Variants in SLC25A26 observed in about 807,000 individuals in gnomAD.
SLC25A26 encodes mitochondrial S-adenosylmethionine carrier protein.
In SLC25A26, 36 loss-of-function variants were observed where a neutral mutation model predicts 37.8. The ratio of observed to expected loss-of-function variants is 0.95; its 90% CI spans 0.73 to 1.26. The LOEUF is 1.26. Among genes scored for constraint, SLC25A26 ranks in the 50% most tolerant of loss-of-function variants. SLC25A26 has a pLI of 0.00. For synonymous variants in SLC25A26, 129 were observed against 122.5 expected (o/e 1.05, Z -0.35); for missense variants, 390 against 331.1 (o/e 1.18, Z -1.38).
chr3:66,362,375 C>G (rs1181417920), intron 6 of SLC25A26, among the ~76,000 whole-genome samples: 1 of 152,152 alleles, frequency 6.6e-6, no homozygotes, highest in Non-Finnish European at 1.5e-5. Flanking sequence ...CTGTTGATAT[C>G]TGCATGACGT....
chr3:66,178,002 T>A (rs888236468), intron 1 of SLC25A26, among the ~76,000 whole-genome samples: 3 of 152,180 alleles, frequency 2.0e-5, no homozygotes, highest in African/African-American at 2.4e-5. Flanking sequence ...GATGGGTGAC[T>A]TCAAAGATGG....
intron 5 of SLC25A26, among the ~76,000 whole-genome samples, chr3:66,321,058 T>G (rs898791446): frequency 6.6e-6 from 1 of 152,064 alleles, no homozygotes; most frequent in African/African-American, 2.4e-5. Flanking sequence ...GGGATTAGCA[T>G]CTTTATAAAA....
At chr3:66,210,366 C>T (rs2071267956) in intron 1 of SLC25A26, among the ~76,000 whole-genome samples, 1 of 151,968 alleles carries the variant, frequency 6.6e-6, no homozygotes, top group Admixed American at 6.6e-5. Flanking sequence ...AGACAATCTC[C>T]CTTAGGAAGC....
At chr3:66,148,502 T>G (rs1249832635) in intron 1 of SLC25A26, among the ~76,000 whole-genome samples, 3 of 152,160 alleles carry the variant, frequency 2.0e-5, no homozygotes, top group Non-Finnish European at 4.4e-5. Flanking sequence ...TCCCTCCTAG[T>G]CTCAACCCAG....
At chr3:66,221,279 C>CCTCT in intron 1 of SLC25A26, 152 bp downstream of exon 1, 1 of 386,844 alleles carries the variant, frequency 2.6e-6, no homozygotes, top group Non-Finnish European at 3.5e-6. Flanking sequence ...CACGAGGCTC[C>CCTCT]CAGGCCACCG....
intron 5 of SLC25A26, among the ~76,000 whole-genome samples, chr3:66,294,313 G>C (rs1299276091): frequency 6.6e-6 from 1 of 151,958 alleles, no homozygotes; most frequent in Non-Finnish European, 1.5e-5. Context: ...ATTCCTGATA[G>C]GTCTCTTGGC....
At chr3:66,134,900 G>C (rs568567137) in intron 1 of SLC25A26, among the ~76,000 whole-genome samples, 8 of 151,488 alleles carry the variant, frequency 5.3e-5, no homozygotes, top group African/African-American at 9.7e-5. Flanking sequence ...GCGTGATCTC[G>C]ACTCACTGCA....
chr3:66,306,330 C>T (rs984871629), intron 5 of SLC25A26, among the ~76,000 whole-genome samples: 2 of 152,048 alleles, frequency 1.3e-5, no homozygotes, highest in African/African-American at 4.8e-5. Context: ...GAGACGGTAT[C>T]TCATTGTGGT....
intron 5 of SLC25A26, chr3:66,293,218 C>T (rs980833476): frequency 1.3e-5 from 2 of 152,066 alleles, no homozygotes; most frequent in Non-Finnish European, 1.5e-5. Context: ...CTGGAGCCAA[C>T]GCGGAAAGCG....
At chr3:66,352,723 A>G (rs2107766704) in intron 6 of SLC25A26, among the ~76,000 whole-genome samples, 1 of 152,026 alleles carries the variant, frequency 6.6e-6, no homozygotes, top group Non-Finnish European at 1.5e-5. Flanking sequence ...GAGGACTGAC[A>G]CAACTGACCC....
At chr3:66,245,049 G>GGTAAGT (rs1482727581) in intron 3 of SLC25A26, among the ~76,000 whole-genome samples, 3 of 152,012 alleles carry the variant, frequency 2.0e-5, no homozygotes, top group African/African-American at 7.2e-5. Context: ...TACTGTAAGT[G>GGTAAGT]GTAAGTGTAA....
intron 3 of SLC25A26, among the ~76,000 whole-genome samples, chr3:66,248,899 T>C (rs557207167): frequency 5.9e-5 from 9 of 152,354 alleles, no homozygotes; most frequent in Non-Finnish European, 1.2e-4. Context: ...AGGGTTCCTG[T>C]ATTTTAAACA....
intron 5 of SLC25A26, among the ~76,000 whole-genome samples, chr3:66,344,352 A>C (rs1018834225): frequency 6.6e-6 from 1 of 151,908 alleles, no homozygotes; most frequent in African/African-American, 2.4e-5. Flanking sequence ...AATCCCAACT[A>C]CTCGGGAGGC....
intron 1 of SLC25A26, among the ~76,000 whole-genome samples, chr3:66,144,483 A>G (rs2070085401): frequency 6.6e-6 from 1 of 152,182 alleles, no homozygotes; most frequent in Non-Finnish European, 1.5e-5. Flanking sequence ...CCCACTGGGT[A>G]CAATTTATTT....
intron 5 of SLC25A26, among the ~76,000 whole-genome samples, chr3:66,270,888 A>G (rs1215718002): frequency 1.3e-5 from 2 of 152,058 alleles, no homozygotes; most frequent in South Asian, 2.1e-4. Context: ...ACCAGCTGCT[A>G]TTTACTTTTT....
At chr3:66,233,205 A>C (rs2072115727) in intron 1 of SLC25A26, among the ~76,000 whole-genome samples, 1 of 152,240 alleles carries the variant, frequency 6.6e-6, no homozygotes, top group African/African-American at 2.4e-5. Context: ...ATAGCATGTA[A>C]TTCTGACCTA....
intron 5 of SLC25A26, among the ~76,000 whole-genome samples, chr3:66,285,261 A>G (rs2074471770): frequency 6.6e-6 from 1 of 152,060 alleles, no homozygotes; most frequent in Admixed American, 6.5e-5. Flanking sequence ...CTTGTTAAAC[A>G]TTATTATTAT....
intron 1 of SLC25A26, among the ~76,000 whole-genome samples, chr3:66,147,675 C>G (rs1226793496): frequency 1.3e-5 from 2 of 152,184 alleles, no homozygotes; most frequent in East Asian, 3.9e-4. Context: ...CTGTTTTTCA[C>G]AGAGGTTGTA....
At chr3:66,295,889 T>G (rs980031548) in intron 5 of SLC25A26, among the ~76,000 whole-genome samples, 1 of 151,772 alleles carries the variant, frequency 6.6e-6, no homozygotes, top group African/African-American at 2.4e-5. Context: ...GAAGCCGAGA[T>G]GGGTGGATCA....
Sources: gnomAD v4.1 joint callset for allele counts (sites outside exome capture counted in the v4.1 genomes callset) on GRCh38, gnomAD v4.1.1 for gene constraint, MANE v1.5 for transcripts, NCBI Gene and HGNC (gene_info 2026-07-23, HGNC 2026-07-21) for gene names.